The following VSTM4 variants were observed in gnomAD, a reference collection of about 807,000 sequenced individuals.
VSTM4 encodes V-set and transmembrane domain-containing protein 4.
A neutral mutation model predicts 36.4 loss-of-function variants in VSTM4; 20 were observed. The observed-to-expected ratio is 0.55, with a 90% CI of 0.39 to 0.80. The LOEUF (loss-of-function observed/expected upper bound fraction) is 0.80, where lower values mean the gene tolerates loss of function less well. VSTM4 is among the 30% of genes least tolerant of loss of function. VSTM4 has a pLI of 0.00. For synonymous variants in VSTM4, 182 were observed against 173.9 expected (o/e 1.05, Z -0.37); for missense variants, 392 against 404.5 (o/e 0.97, Z 0.26).
intron 7 of VSTM4, among the ~76,000 whole-genome samples, chr10:49,024,944 GT>G (rs34711421): frequency 0.68 from 102,614 of 151,744 alleles, 36,518 homozygotes; most frequent in Non-Finnish European, 0.8. Context: ...TTGCAGATGG[GT>G]TTTTTTAAAG....
intron 7 of VSTM4, among the ~76,000 whole-genome samples, chr10:49,035,697 A>T (rs1204667337): frequency 2.1e-5 from 3 of 144,314 alleles, no homozygotes; most frequent in South Asian, 4.5e-4. Flanking sequence ...AAAAAGTTAG[A>T]TGTGGTGGCA....
chr10:49,093,449 A>G (rs928333733), intron 2 of VSTM4, among the ~76,000 whole-genome samples: 2 of 152,256 alleles, frequency 1.3e-5, no homozygotes, highest in Non-Finnish European at 2.9e-5. Context: ...AATGATGTGC[A>G]GAACACAGCT....
intron 3 of VSTM4, among the ~76,000 whole-genome samples, chr10:49,084,014 C>A (rs540111630): frequency 6.6e-6 from 1 of 152,312 alleles, no homozygotes; most frequent in South Asian, 2.1e-4. Flanking sequence ...CTACCCTTGC[C>A]ACAGCCAGGC....
At chr10:49,045,925 G>C (rs1257579681) in intron 7 of VSTM4, among the ~76,000 whole-genome samples, 1 of 152,162 alleles carries the variant, frequency 6.6e-6, no homozygotes, top group Non-Finnish European at 1.5e-5. Flanking sequence ...GGTGTCAAGG[G>C]AGGGAAGTGA....
At chr10:49,101,405 C>T (rs973803917) in intron 2 of VSTM4, among the ~76,000 whole-genome samples, 2 of 152,086 alleles carry the variant, frequency 1.3e-5, no homozygotes, top group Non-Finnish European at 2.9e-5. Context: ...AAGACAGCAA[C>T]CCATTTATTA....
At chr10:49,032,777 C>T (rs1024574920) in intron 7 of VSTM4, among the ~76,000 whole-genome samples, 3 of 152,030 alleles carry the variant, frequency 2.0e-5, no homozygotes, top group African/African-American at 7.3e-5. Context: ...CACCTGGGTT[C>T]TGCTGCTTGG....
chr10:49,104,818 G>A (rs1844735842), intron 2 of VSTM4, among the ~76,000 whole-genome samples: 1 of 148,900 alleles, frequency 6.7e-6, no homozygotes, highest in Non-Finnish European at 1.5e-5. Flanking sequence ...GAGATACAGA[G>A]GGAGAGAGAC....
chr10:49,086,122 A>T, intron 2 of VSTM4, 99 bp from the exon 3 acceptor site: 1 of 729,362 alleles, frequency 1.4e-6, no homozygotes, highest in Non-Finnish European at 2.2e-6. Flanking sequence ...TTGCAAAACC[A>T]CATTTAGTTG....
chr10:49,072,495 G>T (rs187646042), intron 4 of VSTM4, among the ~76,000 whole-genome samples: 1 of 152,156 alleles, frequency 6.6e-6, no homozygotes, highest in South Asian at 2.1e-4. Context: ...GCTTCCCACT[G>T]GGCCTGGCAG....
rs1342887349 is a variant in VSTM4 at position 49,102,430 on chromosome 10, G to T, written c.457+5164C>A. 3 of 985,246 alleles carry T rather than the reference G, an allele frequency of 3.0e-6. No homozygotes were observed. In the East Asian group the frequency reaches 3.4e-4, roughly 112 times the overall value. The allele number at this position is 985,246 out of a possible 1,614,324, so 61.0% of individuals were successfully genotyped here. A position where few individuals can be genotyped will look rare whatever the true frequency, so the allele number is the denominator to read the frequency against. ...ATTACAGGCGTAAGCCACCATGCCT[G>T]GCCAACTCTTTTATGTATAATATTT... On this transcript the variant is annotated intron_variant, in intron 2 of 7. Transcript: ENST00000332853.
intron 5 of VSTM4, among the ~76,000 whole-genome samples, chr10:49,053,565 C>T (rs980669621): frequency 1.1e-4 from 16 of 152,172 alleles, no homozygotes; most frequent in Admixed American, 5.2e-4. Context: ...GATGAGAGAG[C>T]ATAGCCTAAA....
At chr10:49,114,320 C>G (rs1207890001) in intron 1 of VSTM4, among the ~76,000 whole-genome samples, 3 of 152,220 alleles carry the variant, frequency 2.0e-5, no homozygotes, top group Non-Finnish European at 4.4e-5. Context: ...AATGCCAGCT[C>G]TACACTTGGT....
intron 5 of VSTM4, among the ~76,000 whole-genome samples, chr10:49,049,798 A>C (rs897168032): frequency 6.6e-6 from 1 of 151,860 alleles, no homozygotes; most frequent in South Asian, 2.1e-4. Context: ...GTCAAATGTG[A>C]GGCAAAGCAC....
chr10:49,098,712 C>G (rs1367385482), intron 2 of VSTM4, among the ~76,000 whole-genome samples: 1 of 152,234 alleles, frequency 6.6e-6, no homozygotes, highest in Non-Finnish European at 1.5e-5. Flanking sequence ...ATTGCCCTCT[C>G]CCTCAGCTCT....
chr10:49,097,450 T>TAA (rs11451407), intron 2 of VSTM4, among the ~76,000 whole-genome samples: 4 of 150,542 alleles, frequency 2.7e-5, no homozygotes, highest in African/African-American at 9.7e-5. Flanking sequence ...CAAAGGAAGG[T>TAA]AAAAAAAAAG....
intron 4 of VSTM4, among the ~76,000 whole-genome samples, chr10:49,072,776 A>C (rs1358212406): frequency 6.6e-6 from 1 of 152,216 alleles, no homozygotes; most frequent in Non-Finnish European, 1.5e-5. Context: ...GGCAGGCCCC[A>C]GGGCTGAGAG....
At chr10:49,047,141 T>C (rs1323534729) in intron 6 of VSTM4, 97 bp from the exon 7 acceptor site, 1 of 1,225,680 alleles carries the variant, frequency 8.2e-7, no homozygotes, top group African/African-American at 1.5e-5. Flanking sequence ...AGAGGTCTCA[T>C]ACCCCTTCCT....
intron 4 of VSTM4, among the ~76,000 whole-genome samples, 180 bp downstream of exon 4, chr10:49,077,039 A>C (rs17782649): frequency 0.093 from 14,127 of 152,218 alleles, 900 homozygotes; most frequent in East Asian, 0.21. Context: ...TGATGGCCAC[A>C]GTGTATTTTA....
At chr10:49,079,577 G>A (rs1455011509) in intron 3 of VSTM4, among the ~76,000 whole-genome samples, 2 of 152,174 alleles carry the variant, frequency 1.3e-5, no homozygotes, top group African/African-American at 2.4e-5. Context: ...TTTACTATCA[G>A]CCATGGTCAG....
Sources: allele counts gnomAD v4.1 joint callset (sites outside exome capture counted in the v4.1 genomes callset), GRCh38; gene constraint gnomAD v4.1.1; transcripts MANE v1.5; gene names NCBI Gene and HGNC (gene_info 2026-07-23, HGNC 2026-07-21).